Variants in TRPC5 observed in about 807,000 individuals in gnomAD.
The protein encoded by TRPC5 is short transient receptor potential channel 5.
In TRPC5, 9 loss-of-function variants were observed where a neutral mutation model predicts 56.5. The ratio of observed to expected loss-of-function variants is 0.16; its 90% CI spans 0.10 to 0.28. The LOEUF is 0.28. TRPC5 is among the 10% of genes least tolerant of loss of function. The pLI, the probability that TRPC5 is intolerant of heterozygous loss-of-function variation, is 1.00. For missense variants in TRPC5, 469 were observed against 748.9 expected (o/e 0.63, Z 4.36); for synonymous variants, 282 against 278.5 (o/e 1.01, Z -0.13).
intron 3 of TRPC5, among the ~76,000 whole-genome samples, chrX:111,881,619 G>C (rs1401347588): frequency 9.0e-6 from 1 of 111,478 alleles, no homozygotes; most frequent in Non-Finnish European, 1.9e-5. Context: ...TTTCTTGGGG[G>C]TGTCAATTCA....
intron 1 of TRPC5, among the ~76,000 whole-genome samples, chrX:112,080,810 T>C (rs1930946208): frequency 8.9e-6 from 1 of 112,055 alleles, no homozygotes; most frequent in African/African-American, 3.2e-5. Flanking sequence ...CAATTATGAA[T>C]GCTGATATAT....
At chrX:111,968,191 A>G (rs1448823075) in intron 1 of TRPC5, among the ~76,000 whole-genome samples, 1 of 112,175 alleles carries the variant, frequency 8.9e-6, no homozygotes, top group Non-Finnish European at 1.9e-5. Context: ...TCTCAAAAGA[A>G]GACATTTATG....
chrX:111,919,613 C>A (rs753516266), intron 2 of TRPC5, among the ~76,000 whole-genome samples: 1 of 112,032 alleles, frequency 8.9e-6, no homozygotes, highest in African/African-American at 3.2e-5. Flanking sequence ...ATTCCCTTGC[C>A]TATACAATGG....
In TRPC5 at chrX:111,912,596, T is replaced by C. The variant is rs1361368920; in HGVS notation, c.595A>G (p.Ile199Val). The C allele has an allele frequency of 8.3e-7, 1 of 1,211,675 alleles. No homozygotes were observed. Among genetic ancestry groups the C allele is most frequent in the Non-Finnish European group, 1.1e-6 (1 of 895,516 alleles). Reference sequence around the variant, plus strand: ...GAGGGGCTTGCCAGAGCCTTATAGATGTTCAGTCGGGAGCGAGAGTGGCGC... The same window carrying C: ...GAGGGGCTTGCCAGAGCCTTATAGACGTTCAGTCGGGAGCGAGAGTGGCGC... The part of the protein sequence containing the change: ...SLRHSRSRLN[I>V]YKALASPSLI... Residue 199 changes from isoleucine to valine, a missense_variant, in exon 3 of 11, where the codon ATC becomes GTC. By Grantham distance (29) the Ile-to-Val change is conservative (BLOSUM62 3). Around this residue, in one of 3 missense-constraint regions of TRPC5, gnomAD observed 118 missense variants for 167.1 expected, o/e 0.71. Coordinates refer to ENST00000262839, the MANE Select transcript of TRPC5 (RefSeq NM_012471.3).
At chrX:111,928,162 A>G (rs774813666) in intron 2 of TRPC5, among the ~76,000 whole-genome samples, 2 of 111,797 alleles carry the variant, frequency 1.8e-5, no homozygotes, top group African/African-American at 6.5e-5. Context: ...TTTCATGGCC[A>G]TGACTGTGCC....
intron 1 of TRPC5, among the ~76,000 whole-genome samples, chrX:111,958,459 T>C (rs940472286): frequency 4.5e-5 from 5 of 112,292 alleles, no homozygotes; most frequent in Non-Finnish European, 7.5e-5. Context: ...TCCCAGTACC[T>C]GGCACATAGT....
chrX:111,871,998 T>G (rs1177032802), intron 3 of TRPC5, among the ~76,000 whole-genome samples: 1 of 111,948 alleles, frequency 8.9e-6, no homozygotes, highest in Admixed American at 9.4e-5. Flanking sequence ...AAGGCCAGGA[T>G]GCCCCTCAGG....
Position 111,772,840 on chromosome X carries a change from A to G in TRPC5, c.*3473T>C, listed in dbSNP as rs867062968. Among the ~76,000 whole-genome samples the G allele has an allele frequency of 7.2e-5, 8 of 111,239 alleles. No individual in the cohort carries two copies. Among genetic ancestry groups the G allele is most frequent in the African/African-American group, 2.6e-4 (8 of 30,677 alleles). On this transcript the variant is annotated 3_prime_UTR_variant, in exon 11 of 11. Transcript: ENST00000262839. ...TCTGGGGCACTAAAACTATTAGTCA[A>G]AACACCACACGAGATTCACCCATGA...
chrX:111,780,968 A>G (rs2148549006), intron 9 of TRPC5, among the ~76,000 whole-genome samples, 197 bp downstream of exon 9: 1 of 111,423 alleles, frequency 9.0e-6, no homozygotes, highest in East Asian at 2.8e-4. Context: ...GGCAGTGCAT[A>G]AGGGCCATGA....
chrX:112,025,062 C>T (rs769307966), intron 1 of TRPC5, among the ~76,000 whole-genome samples: 1 of 112,091 alleles, frequency 8.9e-6, no homozygotes, highest in Admixed American at 9.5e-5. Flanking sequence ...AAATACAACA[C>T]AAACCCCTTG....
intron 7 of TRPC5, among the ~76,000 whole-genome samples, chrX:111,824,654 T>G (rs1319108692): frequency 2.7e-5 from 3 of 110,882 alleles, no homozygotes; most frequent in African/African-American, 9.9e-5. Flanking sequence ...GGACCCAGAG[T>G]TGGGATGTGG....
In TRPC5 at chrX:112,053,400, G is replaced by A. The variant is rs190956854; in HGVS notation, c.-22+28479C>T. On this transcript the variant is annotated intron_variant, in intron 1 of 10. Coordinates refer to ENST00000262839, the MANE Select transcript of TRPC5 (RefSeq NM_012471.3). ...ACAGTGGTGCCTATGTTTCGGTGTT[G>A]TAGTGAGGACTAACTGAAGTTCTGT... Among the ~76,000 whole-genome samples the A allele has an allele frequency of 7.2e-5, 8 of 111,812 alleles. 1 individual carries two copies. In the East Asian group the frequency reaches 2.2e-3, roughly 31 times the overall value.
intron 2 of TRPC5, among the ~76,000 whole-genome samples, chrX:111,951,428 A>G (rs1162495589): frequency 8.9e-6 from 1 of 112,109 alleles, no homozygotes; most frequent in African/African-American, 3.2e-5. Flanking sequence ...CGGGGATTGG[A>G]CATGGGGGCA....
At chrX:111,814,182 G>A (rs770981802) in intron 7 of TRPC5, among the ~76,000 whole-genome samples, 1 of 111,322 alleles carries the variant, frequency 9.0e-6, no homozygotes, top group South Asian at 3.8e-4. Flanking sequence ...AAATATGGAG[G>A]TAGTCAAAGC....
At chrX:111,995,662 A>G (rs1378299276) in intron 1 of TRPC5, among the ~76,000 whole-genome samples, 1 of 111,764 alleles carries the variant, frequency 8.9e-6, no homozygotes, top group Non-Finnish European at 1.9e-5. Context: ...TGGTCTATTC[A>G]GAGATTCAAC....
chrX:111,946,023 G>A (rs1016682111), intron 2 of TRPC5, among the ~76,000 whole-genome samples: 12 of 112,429 alleles, frequency 1.1e-4, no homozygotes, highest in Middle Eastern at 4.6e-3. Context: ...CAGAGCTCCA[G>A]TACTGTGACA....
chrX:111,876,943 C>A (rs892111276), intron 3 of TRPC5, among the ~76,000 whole-genome samples: 1 of 111,446 alleles, frequency 9.0e-6, no homozygotes, highest in Non-Finnish European at 1.9e-5. Flanking sequence ...TCATCATGCT[C>A]AAATGCCTGG....
At chrX:111,994,204 G>C (rs1378837600) in intron 1 of TRPC5, among the ~76,000 whole-genome samples, 1 of 111,507 alleles carries the variant, frequency 9.0e-6, no homozygotes, top group East Asian at 2.8e-4. Flanking sequence ...TCAAAGATCA[G>C]ATGGTTGTAG....
At chrX:112,004,767 T>C (rs1336720382) in intron 1 of TRPC5, among the ~76,000 whole-genome samples, 1 of 111,222 alleles carries the variant, frequency 9.0e-6, no homozygotes, top group Non-Finnish European at 1.9e-5. Flanking sequence ...GAGATTAATA[T>C]AGGTGTTGTG....
Sources: allele counts gnomAD v4.1 joint callset (sites outside exome capture counted in the v4.1 genomes callset), GRCh38; gene constraint gnomAD v4.1.1; regional missense constraint gnomAD v4.1.1; transcripts MANE v1.5; gene names NCBI Gene and HGNC (gene_info 2026-07-23, HGNC 2026-07-21).